PCDH7: variants seen among roughly 807,000 people sequenced by gnomAD.
The protein encoded by PCDH7 is protocadherin-7.
In PCDH7, 17 loss-of-function variants were observed where a neutral mutation model predicts 58.9. That is an observed-to-expected ratio of 0.29 (90% CI 0.20 to 0.43). The LOEUF (loss-of-function observed/expected upper bound fraction) is 0.43. Ranked by LOEUF, PCDH7 falls within the 20% of genes least tolerant of loss-of-function variation. PCDH7 has a pLI of 1.00. For missense variants in PCDH7, 1,274 were observed against 1,441.0 expected (o/e 0.88, Z 1.88); for synonymous variants, 664 against 616.4 (o/e 1.08, Z -1.14).
chr4:30,863,811 AC>A (rs1015037798), intron 1 of PCDH7, among the ~76,000 whole-genome samples: 3 of 151,926 alleles, frequency 2.0e-5, no homozygotes, highest in African/African-American at 4.8e-5. Flanking sequence ...GTTTTTTCCA[AC>A]CCCCAAGAGA....
At chr4:30,866,745 C>T (rs1307590186) in intron 1 of PCDH7, among the ~76,000 whole-genome samples, 2 of 150,972 alleles carry the variant, frequency 1.3e-5, no homozygotes, top group Admixed American at 6.6e-5. Context: ...TTACTCCTTT[C>T]TCTGCAATCC....
At chr4:31,137,849 A>C (rs1719799984) in intron 3 of PCDH7, among the ~76,000 whole-genome samples, 1 of 152,194 alleles carries the variant, frequency 6.6e-6, no homozygotes, top group Non-Finnish European at 1.5e-5. Context: ...AACTCATTGG[A>C]AATATTTTAA....
intron 3 of PCDH7, among the ~76,000 whole-genome samples, chr4:31,031,349 A>G (rs1458181585): frequency 2.0e-5 from 3 of 152,202 alleles, no homozygotes; most frequent in East Asian, 1.9e-4. Context: ...CAGTACAGCA[A>G]CAAAGAATGG....
chr4:31,003,161 G>C (rs1752491079), intron 3 of PCDH7, among the ~76,000 whole-genome samples: 1 of 151,966 alleles, frequency 6.6e-6, no homozygotes, highest in South Asian at 2.1e-4. Context: ...GATCACCTCT[G>C]TAACTTCCCT....
At chr4:30,825,958 G>T (rs539187064) in intron 1 of PCDH7, among the ~76,000 whole-genome samples, 2 of 152,190 alleles carry the variant, frequency 1.3e-5, no homozygotes, top group Admixed American at 6.6e-5. Flanking sequence ...CTTGTAGATG[G>T]ATATAGAAGC....
intron 3 of PCDH7, among the ~76,000 whole-genome samples, chr4:30,990,789 C>T (rs547093429): frequency 3.7e-4 from 56 of 152,256 alleles, no homozygotes; most frequent in African/African-American, 1.3e-3. Context: ...GATCCCACTT[C>T]TGCTTAATGG....
chr4:31,040,782 G>T (rs1755800795), intron 3 of PCDH7, among the ~76,000 whole-genome samples: 1 of 152,000 alleles, frequency 6.6e-6, no homozygotes, highest in African/African-American at 2.4e-5. Flanking sequence ...AATTTTCCCA[G>T]ATAAATCCCC....
chr4:30,762,126 C>T (rs1206741823), intron 1 of PCDH7, among the ~76,000 whole-genome samples: 1 of 152,068 alleles, frequency 6.6e-6, no homozygotes, highest in Non-Finnish European at 1.5e-5. Flanking sequence ...CACTTGACTT[C>T]CTAGAATTGA....
In PCDH7 at chr4:30,723,465, C is replaced by A; in HGVS notation, c.2043C>A (p.Asn681Lys). ...AGATGAGCCTGTACATAGAGGAGAA[C>A]AATAACATTTTTTCTATTGAAAATG... Residue 681 changes from asparagine to lysine, a missense_variant, in exon 1 of 2, where the codon AAC becomes AAA. Coordinates refer to ENST00000361762, the Ensembl canonical transcript of PCDH7. This position sits in a 1 kb window ranked among gnomAD's most constrained non-coding sequence, Gnocchi z 4.6. 6.2e-7 allele frequency: 1 copy of A among 1,614,046 alleles called. No homozygotes were observed. The highest frequency in any genetic ancestry group is 8.5e-7 in the Non-Finnish European group (1 of 1,179,968).
intron 1 of PCDH7, among the ~76,000 whole-genome samples, chr4:30,843,600 G>A (rs533538295): frequency 6.6e-6 from 1 of 152,108 alleles, no homozygotes; most frequent in Non-Finnish European, 1.5e-5. Flanking sequence ...TACTTTGTCA[G>A]TGTGTTTGCT....
chr4:30,737,190 T>G (rs2109244438), downstream of PCDH7, among the ~76,000 whole-genome samples: 1 of 152,296 alleles, frequency 6.6e-6, no homozygotes, highest in African/African-American at 2.4e-5. Context: ...CACTTTAGAT[T>G]ATAACTCCTG....
At chr4:31,031,945 T>G (rs1432399319) in intron 3 of PCDH7, among the ~76,000 whole-genome samples, 3 of 152,248 alleles carry the variant, frequency 2.0e-5, no homozygotes, top group Non-Finnish European at 4.4e-5. Flanking sequence ...TAATTACACA[T>G]AAGTAGTACG....
intron 3 of PCDH7, among the ~76,000 whole-genome samples, chr4:31,124,810 A>G (rs915592274): frequency 6.6e-6 from 1 of 152,230 alleles, no homozygotes; most frequent in Non-Finnish European, 1.5e-5. Flanking sequence ...TATATCCTAC[A>G]TAATCTCTTT....
At chr4:30,801,540 T>A (rs988872244) in intron 1 of PCDH7, among the ~76,000 whole-genome samples, 12 of 152,124 alleles carry the variant, frequency 7.9e-5, no homozygotes, top group African/African-American at 2.9e-4. Context: ...ACAATAATAA[T>A]AAAAATCAAT....
At chr4:31,136,228 G>A (rs77940089) in intron 3 of PCDH7, among the ~76,000 whole-genome samples, 3,697 of 152,228 alleles carry the variant, frequency 0.024, 73 homozygotes, top group Non-Finnish European at 0.033. Context: ...ACTATTTACT[G>A]AACACCTACA....
At chr4:30,990,108 T>A (rs1213138157) in intron 3 of PCDH7, among the ~76,000 whole-genome samples, 1 of 151,998 alleles carries the variant, frequency 6.6e-6, no homozygotes, top group Non-Finnish European at 1.5e-5. Context: ...CTCTTTATGA[T>A]TATAGTATAA....
chr4:31,000,377 T>C (rs111427571), intron 3 of PCDH7, among the ~76,000 whole-genome samples: 29 of 152,268 alleles, frequency 1.9e-4, no homozygotes, highest in African/African-American at 6.3e-4. Context: ...CTAGTTTATA[T>C]CTGAACGTAT....
chr4:31,062,127 C>T (rs1280623992), intron 3 of PCDH7, among the ~76,000 whole-genome samples: 3 of 151,582 alleles, frequency 2.0e-5, no homozygotes, highest in African/African-American at 7.3e-5. Context: ...AAGATGGTAT[C>T]TAAAATGTGG....
intron 1 of PCDH7, among the ~76,000 whole-genome samples, chr4:30,863,302 T>C (rs1734448973): frequency 6.6e-6 from 1 of 152,080 alleles, no homozygotes; most frequent in South Asian, 2.1e-4. Context: ...GTGGCTATAA[T>C]ATAGTTGTTC....
Sources: gnomAD v4.1 joint callset for allele counts (sites outside exome capture counted in the v4.1 genomes callset) on GRCh38, gnomAD v4.1.1 for gene constraint, Gnocchi (gnomAD v3.1) non-coding constraint, MANE v1.5 for transcripts, NCBI Gene and HGNC (gene_info 2026-07-23, HGNC 2026-07-21) for gene names.